The following NELL2 variants were observed in gnomAD, a reference collection of about 807,000 sequenced individuals.
The protein encoded by NELL2 is neural EGFL like 2, also known as protein kinase C-binding protein NELL2.
Under a neutral mutation model 109.6 loss-of-function variants are expected in NELL2, and 41 were observed. The ratio of observed to expected loss-of-function variants is 0.37; its 90% confidence interval spans 0.29 to 0.49. NELL2 has a LOEUF of 0.49. NELL2 is among the 20% of genes least tolerant of loss of function. The probability of loss-of-function intolerance (pLI) is 0.98; values close to 1 mark genes in which losing one functional copy is unlikely to be tolerated. For missense variants in NELL2, 900 were observed against 1,008.3 expected (o/e 0.89, Z 1.45); for synonymous variants, 355 against 344.7 (o/e 1.03, Z -0.33).
chr12:44,714,354 A>G (rs1938371781), intron 10 of NELL2, among the ~76,000 whole-genome samples: 1 of 151,936 alleles, frequency 6.6e-6, no homozygotes, highest in South Asian at 2.1e-4. Context: ...CTTCACCTAC[A>G]TTTTCCTCCC....
Position 44,532,732 on chromosome 12 carries a change from A to C in NELL2, c.1664-11T>G. On this transcript the variant is annotated splice_polypyrimidine_tract_variant and intron_variant, in intron 15 of 19. Transcript: ENST00000429094. ...AGCATTCATCAATGTCTGGCAAAAA[A>C]AGAGGGATTTTATAAAATTATTTAT... The C allele has an allele frequency of 6.2e-7, 1 of 1,600,002 alleles. No homozygotes were observed. The highest frequency in any genetic ancestry group is 8.5e-7 in the Non-Finnish European group (1 of 1,174,088).
At chr12:44,854,633 T>G (rs1330558201) in intron 2 of NELL2, among the ~76,000 whole-genome samples, 3 of 151,462 alleles carry the variant, frequency 2.0e-5, no homozygotes, top group Admixed American at 2.0e-4. Context: ...TTAAGTATTA[T>G]TAGAGACATG....
chr12:44,679,000 T>C (rs1164204242), intron 12 of NELL2, among the ~76,000 whole-genome samples: 2 of 151,950 alleles, frequency 1.3e-5, no homozygotes, highest in Non-Finnish European at 2.9e-5. Flanking sequence ...AGAAGGGATG[T>C]AGAGTTAAGG....
chr12:44,854,934 A>C (rs2136788564), intron 2 of NELL2, among the ~76,000 whole-genome samples: 1 of 152,316 alleles, frequency 6.6e-6, no homozygotes, highest in East Asian at 1.9e-4. Context: ...AGCCATAAAG[A>C]TGAGTCACAT....
chr12:44,669,905 T>C (rs1948078758), intron 12 of NELL2, among the ~76,000 whole-genome samples: 1 of 152,154 alleles, frequency 6.6e-6, no homozygotes, highest in Non-Finnish European at 1.5e-5. Flanking sequence ...AGCTCAAAGA[T>C]TCCCAGATAG....
intron 11 of NELL2, 45 bp downstream of exon 11, chr12:44,711,247 A>AGCC: frequency 7.3e-7 from 1 of 1,378,778 alleles, no homozygotes; most frequent in Non-Finnish European, 1.0e-6. Context: ...CTAGCCTACT[A>AGCC]TAATAACTCT....
intron 13 of NELL2, among the ~76,000 whole-genome samples, chr12:44,658,893 AAAAAAAGAAAAG>A (rs1172972702): frequency 1.7e-4 from 25 of 150,696 alleles, no homozygotes; most frequent in Non-Finnish European, 3.0e-4. Context: ...AAAAAAAAAA[AAAAAAAGAAAAG>A]AAAAAGAACA....
chr12:44,703,236 C>A (rs1937655253), intron 12 of NELL2, among the ~76,000 whole-genome samples: 2 of 152,122 alleles, frequency 1.3e-5, no homozygotes, highest in African/African-American at 2.4e-5. Flanking sequence ...TAAAAATTAA[C>A]TAGAAAATGA....
chr12:44,662,111 G>A (rs1947764535), intron 13 of NELL2, among the ~76,000 whole-genome samples: 1 of 152,098 alleles, frequency 6.6e-6, no homozygotes, highest in Non-Finnish European at 1.5e-5. Flanking sequence ...AAAAACAAAT[G>A]CATCATTTGT....
chr12:44,626,807 T>C (rs1179954394), intron 13 of NELL2, among the ~76,000 whole-genome samples: 1 of 152,158 alleles, frequency 6.6e-6, no homozygotes, highest in Non-Finnish European at 1.5e-5. Context: ...ATCTTAGTTA[T>C]CTTTACTTCC....
At chr12:44,604,385 C>G (rs540679892) in intron 15 of NELL2, among the ~76,000 whole-genome samples, 1 of 152,102 alleles carries the variant, frequency 6.6e-6, no homozygotes, top group Admixed American at 6.5e-5. Context: ...AGCTACTTCA[C>G]GTTTCTGTGC....
intron 12 of NELL2, among the ~76,000 whole-genome samples, chr12:44,694,061 G>C (rs1398772534): frequency 1.3e-5 from 2 of 152,124 alleles, no homozygotes; most frequent in African/African-American, 4.8e-5. Flanking sequence ...AATTTTACCT[G>C]TGATGGTTAA....
intron 13 of NELL2, among the ~76,000 whole-genome samples, chr12:44,611,218 TAGAG>T (rs1274917297): frequency 6.6e-6 from 1 of 151,966 alleles, no homozygotes; most frequent in African/African-American, 2.4e-5. Context: ...TTGCAAGAAA[TAGAG>T]AGGGGAGGCA....
chr12:44,666,268 C>T (rs1349420426), intron 12 of NELL2, among the ~76,000 whole-genome samples: 1 of 152,176 alleles, frequency 6.6e-6, no homozygotes, highest in Non-Finnish European at 1.5e-5. Context: ...CTTCTGGATG[C>T]TAACCCATAA....
chr12:44,590,127 G>A (rs1184410618), intron 15 of NELL2, among the ~76,000 whole-genome samples: 3 of 152,082 alleles, frequency 2.0e-5, no homozygotes, highest in Non-Finnish European at 4.4e-5. Flanking sequence ...AGGTGAGAGT[G>A]CAGTCATTAA....
chr12:44,636,149 T>C (rs909026869), intron 13 of NELL2, among the ~76,000 whole-genome samples: 1 of 152,214 alleles, frequency 6.6e-6, no homozygotes, highest in African/African-American at 2.4e-5. Context: ...CCTGAGACTT[T>C]GCTGAGGTTG....
chr12:44,904,714 C>T (rs1945700967), intron 1 of NELL2, among the ~76,000 whole-genome samples: 1 of 152,098 alleles, frequency 6.6e-6, no homozygotes, highest in Non-Finnish European at 1.5e-5. Context: ...AAATTCCATG[C>T]ATATTTAAAA....
rs1464051024 is a variant in NELL2, at chr12:44,665,592, C to T, written c.1336G>A (p.Glu446Lys). Residue 446 changes from glutamate to lysine, a missense_variant, in exon 13 of 20, where the codon GAA becomes AAA. Coordinates refer to ENST00000429094, the MANE Select transcript of NELL2 (RefSeq NM_001145108.2). ...TTTTCACGACAGTAATGGCGCCCTT[C>T]AGCACACTCATCGATGTCTGTGAAG... is the stretch of plus-strand genomic sequence containing the variant. Reference protein sequence around the residue: ...AYCEDIDECAEGRHYCRENTM... With the variant: ...AYCEDIDECAKGRHYCRENTM... The T allele has an allele frequency of 5.6e-6, 9 of 1,612,912 alleles. No individual in the cohort carries two copies. The Admixed American group carries it at 1.0e-4, about 18-fold the overall frequency.
intron 15 of NELL2, among the ~76,000 whole-genome samples, chr12:44,583,037 C>A (rs887637470): frequency 6.6e-6 from 1 of 152,176 alleles, no homozygotes; most frequent in South Asian, 2.1e-4. Flanking sequence ...TGACCTTGGA[C>A]TTCCCAGCTT....
Sources: gnomAD v4.1 joint callset for allele counts (sites outside exome capture counted in the v4.1 genomes callset) on GRCh38, gnomAD v4.1.1 for gene constraint, MANE v1.5 for transcripts, NCBI Gene and HGNC (gene_info 2026-07-23, HGNC 2026-07-21) for gene names.